The following EYA2 variants were observed in gnomAD, a reference collection of about 807,000 sequenced individuals.
EYA2 encodes EYA transcriptional coactivator and phosphatase 2, also known as protein phosphatase EYA2.
EYA2 carries 31 observed loss-of-function variants against 69.2 expected under a neutral mutation model. The ratio of observed to expected loss-of-function variants is 0.45; its 90% CI spans 0.34 to 0.60. The LOEUF (loss-of-function observed/expected upper bound fraction) is 0.60, where lower values mean the gene tolerates loss of function less well. Ranked by LOEUF, EYA2 falls within the 20% of genes least tolerant of loss-of-function variation. The pLI, the probability that EYA2 is intolerant of heterozygous loss-of-function variation, is 0.02. For missense variants in EYA2, 622 were observed against 701.2 expected (o/e 0.89, Z 1.28); for synonymous variants, 257 against 279.4 (o/e 0.92, Z 0.80).
chr20:46,925,647 A>G (rs1022281231), intron 1 of EYA2, among the ~76,000 whole-genome samples: 1 of 152,214 alleles, frequency 6.6e-6, no homozygotes. Context: ...ATCGAGAACA[A>G]TTTCAAAGTT....
At chr20:47,044,359 T>C (rs776807168) in intron 5 of EYA2, among the ~76,000 whole-genome samples, 202 of 152,172 alleles carry the variant, frequency 1.3e-3, no homozygotes, top group Non-Finnish European at 2.2e-3. Context: ...TGCCAGGCAT[T>C]GTTCCAGGCA....
intron 5 of EYA2, among the ~76,000 whole-genome samples, chr20:47,044,095 C>T (rs1326833633): frequency 6.6e-6 from 1 of 152,162 alleles, no homozygotes; most frequent in Non-Finnish European, 1.5e-5. Context: ...TCAGCACAGC[C>T]CTTCCCACTG....
intron 7 of EYA2, among the ~76,000 whole-genome samples, chr20:47,080,833 C>T (rs1266207867): frequency 6.6e-5 from 10 of 152,248 alleles, no homozygotes; most frequent in South Asian, 4.2e-4. Context: ...TCAGATCTTG[C>T]GAGACTCGTT....
chr20:47,184,271 G>A (rs113645717), intron 15 of EYA2, among the ~76,000 whole-genome samples: 2 of 152,138 alleles, frequency 1.3e-5, no homozygotes, highest in South Asian at 2.1e-4. Flanking sequence ...AGGGTCAGTC[G>A]CACTGGTGTG....
At chr20:47,055,269 C>T (rs1479830061) in intron 5 of EYA2, among the ~76,000 whole-genome samples, 5 of 152,186 alleles carry the variant, frequency 3.3e-5, no homozygotes, top group Admixed American at 3.3e-4. Context: ...CTCTCTCTGA[C>T]GTGTATAACT....
intron 1 of EYA2, among the ~76,000 whole-genome samples, chr20:46,941,769 T>C (rs1195905894): frequency 6.6e-6 from 1 of 152,250 alleles, no homozygotes; most frequent in South Asian, 2.1e-4. Context: ...TTTTCTTTTT[T>C]TTTTCTTGAG....
At chr20:46,895,641 A>G (rs1983768886) in intron 1 of EYA2, among the ~76,000 whole-genome samples, 1 of 152,248 alleles carries the variant, frequency 6.6e-6, no homozygotes, top group African/African-American at 2.4e-5. Context: ...AGAAGGCGGC[A>G]AGGATTTCGT....
chr20:47,145,328 G>A (rs1001561658), intron 10 of EYA2, among the ~76,000 whole-genome samples: 4 of 152,148 alleles, frequency 2.6e-5, no homozygotes, highest in African/African-American at 4.8e-5. Flanking sequence ...ATCGGGGGCA[G>A]TGGGGCGGGG....
At chr20:46,953,202 T>C (rs1978908528) in intron 1 of EYA2, among the ~76,000 whole-genome samples, 1 of 152,214 alleles carries the variant, frequency 6.6e-6, no homozygotes, top group South Asian at 2.1e-4. Flanking sequence ...TTCTAATTCG[T>C]TTCATCTTCA....
At chr20:47,067,884 G>A (rs563733467) in intron 5 of EYA2, among the ~76,000 whole-genome samples, 7 of 152,206 alleles carry the variant, frequency 4.6e-5, no homozygotes, top group African/African-American at 1.4e-4. Context: ...GAAGGATATT[G>A]TCTCTGGATA....
intron 1 of EYA2, among the ~76,000 whole-genome samples, chr20:46,963,050 G>A (rs1306367497): frequency 2.0e-5 from 3 of 152,298 alleles, no homozygotes; most frequent in Admixed American, 6.5e-5. Context: ...GGCAAGTGGC[G>A]TTTTCTACAC....
chr20:47,024,496 C>A (rs2145133), intron 5 of EYA2, among the ~76,000 whole-genome samples: 6 of 152,236 alleles, frequency 3.9e-5, no homozygotes, highest in Non-Finnish European at 7.3e-5. Flanking sequence ...GGGTAGTTTC[C>A]TTACACCCAT....
At chr20:47,166,202 C>A (rs886924451) in intron 10 of EYA2, among the ~76,000 whole-genome samples, 4 of 151,584 alleles carry the variant, frequency 2.6e-5, no homozygotes, top group Non-Finnish European at 2.9e-5. Flanking sequence ...GAGTTTGAGA[C>A]CAGCCTGGCC....
intron 5 of EYA2, among the ~76,000 whole-genome samples, chr20:47,055,023 C>T (rs1019094736): frequency 6.6e-6 from 1 of 152,088 alleles, no homozygotes; most frequent in East Asian, 1.9e-4. Context: ...CTCGTGGTGG[C>T]GAAGAGGCTG....
intron 5 of EYA2, among the ~76,000 whole-genome samples, chr20:47,036,743 GTT>G (rs990094846): frequency 6.6e-6 from 1 of 152,164 alleles, no homozygotes; most frequent in Non-Finnish European, 1.5e-5. Context: ...AGGTTCTACA[GTT>G]TTGCACACAC....
rs558229753 is a variant in EYA2, at chr20:47,097,078, A to C, written c.805-7A>C. On this transcript the variant is annotated splice_region_variant and splice_polypyrimidine_tract_variant and intron_variant, in intron 8 of 15. Transcript: ENST00000327619. ...TTTCTCCATTCTCTTCCTCTCTTTC[A>C]TCACAGCGTGTGTTCGTGTGGGACT... is the stretch of plus-strand genomic sequence containing the variant. 1.1e-5 allele frequency: 17 copies of C among 1,607,248 alleles called. No homozygotes were observed. Among genetic ancestry groups the C allele is most frequent in the Non-Finnish European group, 1.7e-6 (2 of 1,176,782 alleles).
rs150183885 is a variant in EYA2, at chr20:47,161,236, G to A, written c.979-7903G>A. ...TGCTCCCCCAGTAGCCTCTGCACAT[G>A]GGGACAATGGAGAGCTAGCCCAGGA... On this transcript the variant is annotated intron_variant, in intron 10 of 15. Transcript: ENST00000327619. 6.9e-4 allele frequency: 358 copies of A among 517,282 alleles called. 6 individuals carry two copies. The East Asian group carries it at 0.014, about 20-fold the overall frequency. 32.0% of individuals were successfully genotyped at this position (517,282 alleles called of 1,614,324 possible).
At chr20:46,908,418 G>A (rs1157438100) in intron 1 of EYA2, among the ~76,000 whole-genome samples, 1 of 152,244 alleles carries the variant, frequency 6.6e-6, no homozygotes, top group Non-Finnish European at 1.5e-5. Context: ...TGAATTGGGA[G>A]CAGCCAGTGA....
chr20:46,969,699 G>A (rs748365765), intron 1 of EYA2, among the ~76,000 whole-genome samples: 9 of 152,122 alleles, frequency 5.9e-5, no homozygotes, highest in Non-Finnish European at 1.2e-4. Flanking sequence ...TCTATTTTAG[G>A]AGTTAATTCC....
Sources: allele counts gnomAD v4.1 joint callset (sites outside exome capture counted in the v4.1 genomes callset), GRCh38; gene constraint gnomAD v4.1.1; transcripts MANE v1.5; gene names NCBI Gene and HGNC (gene_info 2026-07-23, HGNC 2026-07-21).